NLGN1: variants seen among roughly 807,000 people sequenced by gnomAD.
NLGN1 encodes neuroligin 1.
A neutral mutation model predicts 65.5 loss-of-function variants in NLGN1; 12 were observed. The observed-to-expected ratio is 0.18, with a 90% CI of 0.12 to 0.30. The LOEUF (loss-of-function observed/expected upper bound fraction) is 0.30, where lower values mean the gene tolerates loss of function less well. Among genes scored for constraint, NLGN1 ranks in the 10% least tolerant of loss-of-function variants. The probability of loss-of-function intolerance (pLI) is 1.00; values close to 1 mark genes in which losing one functional copy is unlikely to be tolerated. For missense variants in NLGN1, 750 were observed against 1,007.1 expected, an observed-to-expected ratio of 0.74 and a Z score of 3.46; for synonymous variants, 350 against 359.5, an observed-to-expected ratio of 0.97 and a Z score of 0.30.
chr3:173,421,596 C>T (rs1577374961), intron 1 of NLGN1, among the ~76,000 whole-genome samples: 2 of 151,760 alleles, frequency 1.3e-5, no homozygotes, highest in Non-Finnish European at 2.9e-5. Context: ...CCTCTGCCTC[C>T]TGGGCTCAAG....
At chr3:173,989,052 A>G (rs1720543340) in intron 4 of NLGN1, among the ~76,000 whole-genome samples, 1 of 152,284 alleles carries the variant, frequency 6.6e-6, no homozygotes, top group Middle Eastern at 3.4e-3. Flanking sequence ...AATTTGGTAA[A>G]TTCACCAGAC....
intron 4 of NLGN1, among the ~76,000 whole-genome samples, chr3:174,134,058 C>T (rs1301382475): frequency 6.6e-6 from 1 of 152,122 alleles, no homozygotes; most frequent in African/African-American, 2.4e-5. Context: ...AGGTCTTCCT[C>T]CTCCTCAGCT....
At chr3:173,839,385 C>T (rs1724312561) in intron 4 of NLGN1, among the ~76,000 whole-genome samples, 1 of 151,586 alleles carries the variant, frequency 6.6e-6, no homozygotes, top group African/African-American at 2.4e-5. Context: ...CCTGAACATC[C>T]TCAGAGAAGT....
At position 174,279,304 on chromosome 3, in the gene NLGN1, A is replaced by G. The variant is rs1260948067; in HGVS notation, c.1303A>G (p.Thr435Ala). 6.2e-7 allele frequency: 1 copy of G among 1,613,392 alleles called. No individual in the cohort carries two copies. The highest frequency in any genetic ancestry group is 1.3e-5 in the African/African-American group (1 of 74,968). The change falls in exon 6 of 7, where the codon ACC becomes GCC. Residue 435 changes from threonine to alanine, a missense_variant. Coordinates refer to ENST00000457714, the Ensembl canonical transcript of NLGN1. This position sits in a 1 kb window ranked among gnomAD's most constrained non-coding sequence, Gnocchi z 4.7. ...TGAAGGCAAAGATGTTTTGAGAGAA[A>G]CCATTAAGTTCATGTATACTGACTG...
intron 3 of NLGN1, among the ~76,000 whole-genome samples, chr3:173,699,859 G>A (rs1200206320): frequency 1.3e-5 from 2 of 152,142 alleles, no homozygotes; most frequent in Non-Finnish European, 1.5e-5. Context: ...GGAGAAAATT[G>A]CCCACCAGTG....
In NLGN1 at chr3:173,808,752, G is replaced by A. The variant is rs1367901135; in HGVS notation, c.646+920G>A. On this transcript the variant is annotated intron_variant, in intron 4 of 6. Coordinates refer to ENST00000457714, the Ensembl canonical transcript of NLGN1. Reference sequence around the variant, plus strand: ...TCCCATACTATAGACTTGAAGAAGCGTAAATTATAATTTTGTTTATACACA... The same window carrying A: ...TCCCATACTATAGACTTGAAGAAGCATAAATTATAATTTTGTTTATACACA... Among the ~76,000 whole-genome samples, 4 of 152,046 alleles carry A rather than the reference G, an allele frequency of 2.6e-5. 1 individual carries two copies. The South Asian group carries it at 6.2e-4, about 24-fold the overall frequency.
At chr3:174,191,003 G>A (rs566870053) in intron 4 of NLGN1, among the ~76,000 whole-genome samples, 10 of 150,606 alleles carry the variant, frequency 6.6e-5, no homozygotes, top group Non-Finnish European at 1.3e-4. Flanking sequence ...TAGTGTGTGC[G>A]TGTGTGTGTG....
chr3:173,907,317 C>T (rs548715914), intron 4 of NLGN1, among the ~76,000 whole-genome samples: 6 of 152,246 alleles, frequency 3.9e-5, no homozygotes, highest in Non-Finnish European at 8.8e-5. Context: ...TTCCTCTTAC[C>T]GTGAGGCATC....
At chr3:174,189,722 C>G (rs1171149662) in intron 4 of NLGN1, among the ~76,000 whole-genome samples, 1 of 86,414 alleles carries the variant, frequency 1.2e-5, no homozygotes. Context: ...GTAGTTTGTT[C>G]TCTATATCCC....
chr3:174,029,168 G>C (rs990232145), intron 4 of NLGN1, among the ~76,000 whole-genome samples: 3 of 152,176 alleles, frequency 2.0e-5, no homozygotes. Flanking sequence ...TAGATCCAAT[G>C]ACAGCTTGCA....
At chr3:173,476,888 G>A (rs1484981774) in intron 2 of NLGN1, among the ~76,000 whole-genome samples, 1 of 152,152 alleles carries the variant, frequency 6.6e-6, no homozygotes, top group Non-Finnish European at 1.5e-5. Context: ...TTATGTGTTG[G>A]AGAAAGAAGG....
At chr3:173,526,906 C>G (rs941116577) in intron 2 of NLGN1, among the ~76,000 whole-genome samples, 3 of 152,186 alleles carry the variant, frequency 2.0e-5, no homozygotes, top group African/African-American at 7.2e-5. Context: ...TCCATCTATA[C>G]TGTTGCAAAT....
intron 4 of NLGN1, among the ~76,000 whole-genome samples, chr3:174,005,304 G>A (rs1353931722): frequency 1.3e-5 from 2 of 152,030 alleles, no homozygotes; most frequent in South Asian, 2.1e-4. Flanking sequence ...TTATAAAGTT[G>A]CTGATGATCC....
At chr3:174,023,913 G>T (rs559757305) in intron 4 of NLGN1, among the ~76,000 whole-genome samples, 4 of 152,054 alleles carry the variant, frequency 2.6e-5, no homozygotes, top group African/African-American at 2.4e-5. Context: ...TAACACCTTG[G>T]GGGGAGGTTT....
chr3:174,233,255 G>A (rs1412147084), intron 4 of NLGN1, among the ~76,000 whole-genome samples: 1 of 152,076 alleles, frequency 6.6e-6, no homozygotes, highest in Non-Finnish European at 1.5e-5. Context: ...CCTGAGGCGG[G>A]AGGAGTTCGA....
chr3:174,290,862 AAG>A (rs1211537934), downstream of NLGN1, among the ~76,000 whole-genome samples: 3 of 151,098 alleles, frequency 2.0e-5, no homozygotes, highest in East Asian at 5.8e-4. Context: ...AGAATAGAAA[AAG>A]AGATAACAGG....
At chr3:173,790,575 A>G (rs1430006011) in intron 3 of NLGN1, among the ~76,000 whole-genome samples, 1 of 152,194 alleles carries the variant, frequency 6.6e-6, no homozygotes, top group Non-Finnish European at 1.5e-5. Flanking sequence ...AGAGGATAAG[A>G]AAGCTACCAA....
chr3:174,020,169 C>T (rs1579809498), intron 4 of NLGN1, among the ~76,000 whole-genome samples: 1 of 152,218 alleles, frequency 6.6e-6, no homozygotes, highest in Middle Eastern at 3.4e-3. Flanking sequence ...ATTACAGAAC[C>T]ATCATGTGTA....
At chr3:173,663,212 T>G (rs768435012) in intron 3 of NLGN1, among the ~76,000 whole-genome samples, 34 of 151,984 alleles carry the variant, frequency 2.2e-4, no homozygotes, top group Non-Finnish European at 4.7e-4. Flanking sequence ...AAAAAGTGTT[T>G]AGTTGTATCT....
Sources: gnomAD v4.1 joint callset for allele counts (sites outside exome capture counted in the v4.1 genomes callset) on GRCh38, gnomAD v4.1.1 for gene constraint, Gnocchi (gnomAD v3.1) non-coding constraint, MANE v1.5 for transcripts, NCBI Gene and HGNC (gene_info 2026-07-23, HGNC 2026-07-21) for gene names.